Variants in SCAF8 observed in about 807,000 individuals in gnomAD.
SCAF8 encodes the protein SR-related and CTD-associated factor 8.
In SCAF8, 23 loss-of-function variants were observed where a neutral mutation model predicts 140.5. The observed-to-expected ratio is 0.16, with a 90% CI of 0.12 to 0.23. The LOEUF (loss-of-function observed/expected upper bound fraction) is 0.23, where lower values mean the gene tolerates loss of function less well. Among genes scored for constraint, SCAF8 ranks in the 10% least tolerant of loss-of-function variants. The probability of loss-of-function intolerance (pLI) is 1.00; values close to 1 mark genes in which losing one functional copy is unlikely to be tolerated. For missense variants in SCAF8, 1,397 were observed against 1,555.7 expected (o/e 0.90, Z 1.72); for synonymous variants, 575 against 528.9 (o/e 1.09, Z -1.20).
At chr6:154,830,352 C>A (rs914938968) in intron 18 of SCAF8, among the ~76,000 whole-genome samples, 2 of 152,068 alleles carry the variant, frequency 1.3e-5, no homozygotes, top group African/African-American at 2.4e-5. Context: ...ATTTTGTATT[C>A]CTCTGGTTGT....
In SCAF8 at chr6:154,832,500, A is replaced by G; in HGVS notation, c.2921A>G (p.Asp974Gly). ...PPPRGPFPPG[D>G]IFSQPERPFL... Reference sequence around the variant, plus strand: ...CCCCGTGGACCTTTTCCTCCAGGAGATATTTTTAGTCAACCAGAAAGACCT... The same window carrying G: ...CCCCGTGGACCTTTTCCTCCAGGAGGTATTTTTAGTCAACCAGAAAGACCT... The change falls in exon 20 of 20, where the codon GAT becomes GGT. Residue 974 changes from aspartate (D) to glycine (G), a missense_variant. Around this residue, in one of 5 missense-constraint regions of SCAF8, gnomAD observed 930 missense variants for 874.6 expected, o/e 1.06. Transcript: ENST00000367178. 6.2e-7 allele frequency: 1 copy of G among 1,613,786 alleles called. No individual in the cohort carries two copies. The highest frequency in any genetic ancestry group is 8.5e-7 in the Non-Finnish European group (1 of 1,179,922).
Position 154,741,889 on chromosome 6 carries a change from A to T in SCAF8, c.30+7959A>T, listed in dbSNP as rs1203077003. 10 of 1,070,540 alleles carry T rather than the reference A, an allele frequency of 9.3e-6. No homozygotes were observed. In the Admixed American group the frequency reaches 2.0e-4, roughly 21 times the overall value. The allele number at this position is 1,070,540 out of a possible 1,614,324, so 66.3% of individuals were successfully genotyped here. A position where few individuals can be genotyped will look rare whatever the true frequency, so the allele number is the denominator to read the frequency against. On this transcript the variant is annotated intron_variant, in intron 1 of 19. Transcript: ENST00000367178. ...CCTTGAACACTGGCTGAGCTCCTGA[A>T]CTTTTAAGTGAGCTCATTTTGTCTG...
At chr6:154,758,979 T>C (rs1410366460) in intron 1 of SCAF8, among the ~76,000 whole-genome samples, 1 of 152,178 alleles carries the variant, frequency 6.6e-6, no homozygotes. Flanking sequence ...AGCACTGAGA[T>C]CAAAGCTAGG....
intron 1 of SCAF8, among the ~76,000 whole-genome samples, chr6:154,759,664 ATTTTTT>A (rs67700317): frequency 1.5e-5 from 2 of 133,292 alleles, no homozygotes; most frequent in Non-Finnish European, 3.2e-5. Flanking sequence ...TGTCATAATA[ATTTTTT>A]TTTTTTTTTT....
At chr6:154,829,776 G>A (rs977667602) in intron 18 of SCAF8, among the ~76,000 whole-genome samples, 1 of 151,388 alleles carries the variant, frequency 6.6e-6, no homozygotes, top group Admixed American at 6.6e-5. Flanking sequence ...GTGTGGTGGC[G>A]CACGCCTGTA....
chr6:154,810,291 T>C lies in SCAF8; in HGVS notation c.1420+83T>C, dbSNP rs1370184001. 2.9e-6 allele frequency: 3 copies of C among 1,027,372 alleles called. No homozygotes were observed. The East Asian group carries it at 8.2e-5, about 28-fold the overall frequency. 63.6% of individuals were successfully genotyped at this position (1,027,372 alleles called of 1,614,324 possible). On this transcript the variant is annotated intron_variant, in intron 12 of 19. Transcript: ENST00000367178. ...CTGCTACAAAGTCTCTCAGCCAAAT[T>C]TTATTTTCAGATTAAGGTTAAAAGT...
chr6:154,833,020 A>G lies in SCAF8; in HGVS notation c.3441A>G (p.Arg1147=), dbSNP rs1199097015. ...GAGGATTTGGACAAGAAGTTCACAG[A>G]GATTTTGATGACCGCAGAAGACCCT... ...WNRGFGQEVH[R]DFDDRRRPWE... is the part of the protein sequence containing the mutation. Residue 1147 remains arginine, a synonymous_variant, in exon 20 of 20, where the codon AGA becomes AGG. Transcript: ENST00000367178. 1.1e-5 allele frequency: 18 copies of G among 1,614,152 alleles called. No individual in the cohort carries two copies. In the East Asian group the frequency reaches 4.0e-4, roughly 36 times the overall value.
chr6:154,746,047 G>T (rs564987224), intron 1 of SCAF8, among the ~76,000 whole-genome samples: 1 of 152,122 alleles, frequency 6.6e-6, no homozygotes, highest in South Asian at 2.1e-4. Context: ...CACCATGCCT[G>T]GATAATTTTT....
intron 2 of SCAF8, among the ~76,000 whole-genome samples, chr6:154,777,574 G>A (rs535269086): frequency 3.9e-5 from 6 of 152,214 alleles, no homozygotes; most frequent in East Asian, 1.9e-4. Context: ...GTTATTTGTA[G>A]TTACTTGATT....
Position 154,832,952 on chromosome 6 carries a change from T to C in SCAF8, c.3373T>C (p.Ser1125Pro). The change falls in exon 20 of 20, where the codon TCT becomes CCT. Residue 1125 changes from serine (S) to proline (P), a missense_variant. Ser to Pro is a moderately conservative substitution (Grantham distance 74). Around this residue, in one of 5 missense-constraint regions of SCAF8, gnomAD observed 930 missense variants for 874.6 expected, o/e 1.06. Transcript: ENST00000367178. ...ACATGAAGAAAGAGGTAGATTTCGG[T>C]CTGGAAACTATCGATTTGATCCTAG... The part of the protein sequence containing the change: ...GLHEERGRFR[S>P]GNYRFDPRSG... The C allele has an allele frequency of 6.2e-7, 1 of 1,614,120 alleles. No individual in the cohort carries two copies. The highest frequency in any genetic ancestry group is 1.1e-5 in the South Asian group (1 of 91,076).
intron 3 of SCAF8, 49 bp downstream of exon 3, chr6:154,778,094 T>G (rs1442062473): frequency 1.9e-6 from 2 of 1,034,666 alleles, no homozygotes. Context: ...GATTAATGCC[T>G]GTACTCTTCT....
At chr6:154,822,590 A>G (rs543223479) in intron 16 of SCAF8, among the ~76,000 whole-genome samples, 181 bp downstream of exon 16, 9 of 152,316 alleles carry the variant, frequency 5.9e-5, no homozygotes, top group African/African-American at 1.9e-4. Flanking sequence ...CTGTGGTATC[A>G]TTGTGCTATA....
chr6:154,816,590 C>A (rs374233363), intron 13 of SCAF8, among the ~76,000 whole-genome samples: 46 of 152,304 alleles, frequency 3.0e-4, no homozygotes, highest in Middle Eastern at 3.4e-3. Context: ...ATCCATCCAT[C>A]CATCCATCCT....
intron 1 of SCAF8, among the ~76,000 whole-genome samples, chr6:154,756,938 C>T (rs765109939): frequency 3.9e-5 from 6 of 152,102 alleles, no homozygotes; most frequent in East Asian, 1.9e-4. Context: ...TGAGGTGGAT[C>T]GCTTGAGCCT....
At position 154,784,132 on chromosome 6, in the gene SCAF8, TATATATATATATATATATATATA is replaced by T. The variant is rs1777172770; in HGVS notation, c.160-3728_160-3706del. Among the ~76,000 whole-genome samples the T allele has an allele frequency of 1.0e-3, 75 of 74,078 alleles. 2 individuals carry two copies. In the Middle Eastern group the frequency reaches 0.043, roughly 42 times the overall value. 48.6% of individuals were successfully genotyped at this position (74,078 alleles called of 152,430 possible). A position where few individuals can be genotyped will look rare whatever the true frequency, so the allele number is the denominator to read the frequency against. ...TCTGGTGTCTTGAGATATATATATA[TATATATATATATATATATATATA>T]TATTTATTTATTTATTTTTCATGTA... On this transcript the variant is annotated intron_variant, in intron 3 of 19. Transcript: ENST00000367178.
At chr6:154,807,535 G>A (rs555392997) in intron 9 of SCAF8, among the ~76,000 whole-genome samples, 23 of 152,176 alleles carry the variant, frequency 1.5e-4, no homozygotes, top group South Asian at 4.2e-4. Flanking sequence ...ATCCGCCACC[G>A]TGCCCTGCTA....
At chr6:154,768,649 A>G (rs1167322181) in intron 1 of SCAF8, among the ~76,000 whole-genome samples, 3 of 152,268 alleles carry the variant, frequency 2.0e-5, no homozygotes, top group African/African-American at 7.2e-5. Flanking sequence ...CATATATTGT[A>G]TGCATTCATG....
At chr6:154,798,035 C>T (rs1777658770) in intron 6 of SCAF8, among the ~76,000 whole-genome samples, 1 of 151,414 alleles carries the variant, frequency 6.6e-6, no homozygotes, top group African/African-American at 2.4e-5. Context: ...GTTTTTCATT[C>T]ACTCAACCTT....
rs372331014 is a variant in SCAF8, at chr6:154,832,918, A to G, written c.3339A>G (p.Pro1113=). Residue 1113 remains proline, a synonymous_variant, in exon 20 of 20, where the codon CCA becomes CCG. Transcript: ENST00000367178. The part of the protein sequence containing the change: ...EHRVLPVYGG[P]KGLHEERGRF... ...GGGTTCTACCGGTCTATGGTGGTCC[A>G]AAAGGCTTACATGAAGAAAGAGGTA... The G allele has an allele frequency of 6.4e-5, 103 of 1,614,028 alleles. No homozygotes were observed. The highest frequency in any genetic ancestry group is 2.5e-5 in the Non-Finnish European group (30 of 1,180,014).
Sources: allele counts gnomAD v4.1 joint callset (sites outside exome capture counted in the v4.1 genomes callset), GRCh38; gene constraint gnomAD v4.1.1; regional missense constraint gnomAD v4.1.1; transcripts MANE v1.5; gene names NCBI Gene and HGNC (gene_info 2026-07-23, HGNC 2026-07-21).